MTUS2: variants seen among roughly 807,000 people sequenced by gnomAD.
MTUS2 encodes microtubule associated scaffold protein 2.
A neutral mutation model predicts 114.1 loss-of-function variants in MTUS2; 40 were observed. The ratio of observed to expected loss-of-function variants is 0.35; its 90% CI spans 0.27 to 0.46. The LOEUF (loss-of-function observed/expected upper bound fraction) is 0.46, where lower values mean the gene tolerates loss of function less well. Ranked by LOEUF, MTUS2 falls within the 20% of genes least tolerant of loss-of-function variation. The pLI is 1.00. For missense variants in MTUS2, 1,679 were observed against 1,705.4 expected (o/e 0.98, Z 0.27); for synonymous variants, 688 against 672.0 (o/e 1.02, Z -0.37).
intron 8 of MTUS2, among the ~76,000 whole-genome samples, chr13:29,419,982 G>A (rs1479004491): frequency 6.6e-6 from 1 of 152,192 alleles, no homozygotes. Context: ...CCCATAAACA[G>A]TTCAGCTGTG....
intron 5 of MTUS2, among the ~76,000 whole-genome samples, chr13:29,117,356 A>C (rs1160388682): frequency 6.6e-6 from 1 of 151,964 alleles, no homozygotes; most frequent in Non-Finnish European, 1.5e-5. Context: ...CATTCTTATC[A>C]CCTGTGCATG....
intron 2 of MTUS2, among the ~76,000 whole-genome samples, chr13:28,900,855 G>T (rs1429843322): frequency 6.6e-6 from 1 of 152,330 alleles, no homozygotes; most frequent in South Asian, 2.1e-4. Context: ...ACATTCATGT[G>T]CAGGTTTTCC....
chr13:29,035,722 T>G lies in MTUS2; in HGVS notation c.2446+1597T>G, dbSNP rs765132398. ...TCACTGAACACAGAGCCAAAGCCAT[T>G]ATCCACCAAACACTATTGATAGTTT... On this transcript the variant is annotated intron_variant, in intron 4 of 15. Coordinates refer to ENST00000612955, the MANE Select transcript of MTUS2 (RefSeq NM_001033602.4). Among the ~76,000 whole-genome samples the G allele has an allele frequency of 1.8e-4, 28 of 152,180 alleles. 1 individual carries two copies. Among genetic ancestry groups the G allele is most frequent in the Non-Finnish European group, 3.4e-4 (23 of 68,038 alleles).
chr13:29,252,836 A>G (rs1476331764), intron 5 of MTUS2, among the ~76,000 whole-genome samples: 7 of 151,976 alleles, frequency 4.6e-5, no homozygotes, highest in Non-Finnish European at 4.4e-5. Flanking sequence ...ACCACCATGT[A>G]AGACCTGCCT....
intron 8 of MTUS2, among the ~76,000 whole-genome samples, 152 bp downstream of exon 8, chr13:29,359,625 G>A (rs1870064529): frequency 6.6e-6 from 1 of 152,270 alleles, no homozygotes; most frequent in Non-Finnish European, 1.5e-5. Flanking sequence ...ATCTCCTGAG[G>A]CATCCCATCA....
intron 2 of MTUS2, among the ~76,000 whole-genome samples, chr13:28,947,619 C>T (rs1249712704): frequency 1.3e-5 from 2 of 152,074 alleles, no homozygotes; most frequent in African/African-American, 2.4e-5. Flanking sequence ...AAAGCAGCTT[C>T]GTAATTATAG....
chr13:28,843,166 C>G (rs1282258163), intron 2 of MTUS2, among the ~76,000 whole-genome samples: 1 of 152,146 alleles, frequency 6.6e-6, no homozygotes, highest in African/African-American at 2.4e-5. Flanking sequence ...CTGAACAAGG[C>G]CAGGGGAATC....
intron 5 of MTUS2, among the ~76,000 whole-genome samples, chr13:29,221,333 A>C (rs574640989): frequency 4.5e-4 from 69 of 152,360 alleles, no homozygotes; most frequent in Non-Finnish European, 9.4e-4. Context: ...AGTATTTTCC[A>C]ATTAACATTC....
chr13:28,933,348 G>A (rs1881724576), intron 2 of MTUS2, among the ~76,000 whole-genome samples: 1 of 152,186 alleles, frequency 6.6e-6, no homozygotes, highest in South Asian at 2.1e-4. Flanking sequence ...TTTCTCTGTT[G>A]CAGTATTGAG....
intron 1 of MTUS2, among the ~76,000 whole-genome samples, chr13:28,832,774 T>TAAAA (rs60422185): frequency 1 from 149,582 of 150,020 alleles, 74,574 homozygotes; most frequent in Middle Eastern, 1. Flanking sequence ...AGAAAAACAA[T>TAAAA]AAAATCAATA....
At chr13:28,986,019 A>G (rs180983215) in intron 2 of MTUS2, among the ~76,000 whole-genome samples, 268 of 152,280 alleles carry the variant, frequency 1.8e-3, no homozygotes, top group Non-Finnish European at 2.2e-3. Context: ...GCTCTGATGA[A>G]TGGACCTCTC....
chr13:29,194,875 G>C (rs868807139), intron 5 of MTUS2, among the ~76,000 whole-genome samples: 3,217 of 150,924 alleles, frequency 0.021, 107 homozygotes, highest in African/African-American at 0.071. Context: ...ACTGGATTAA[G>C]AAAATGTGGC....
At chr13:29,193,844 T>C (rs1434143355) in intron 5 of MTUS2, among the ~76,000 whole-genome samples, 2 of 152,124 alleles carry the variant, frequency 1.3e-5, no homozygotes, top group Admixed American at 6.5e-5. Flanking sequence ...CTTCAAACTA[T>C]ACTACAAGGC....
intron 6 of MTUS2, among the ~76,000 whole-genome samples, chr13:29,318,714 C>G (rs1277558369): frequency 6.6e-6 from 1 of 152,082 alleles, no homozygotes; most frequent in South Asian, 2.1e-4. Context: ...CAGCTGTTGT[C>G]GAAGCCACTG....
rs543349765 is a variant in MTUS2 at position 29,285,203 on chromosome 13, A to C, written c.2806+3338A>C. Among the ~76,000 whole-genome samples the C allele has an allele frequency of 4.8e-5, 7 of 146,824 alleles. No individual in the cohort carries two copies. The East Asian group carries it at 1.4e-3, about 29-fold the overall frequency. Reference sequence around the variant, plus strand: ...TGATAAAAAACAAAACCAAAAAAAAAAAAAAACCTCCAAAACTAGTCACAT... The same window carrying C: ...TGATAAAAAACAAAACCAAAAAAAACAAAAAACCTCCAAAACTAGTCACAT... On this transcript the variant is annotated intron_variant, in intron 6 of 15. Coordinates refer to ENST00000612955, the MANE Select transcript of MTUS2 (RefSeq NM_001033602.4).
rs1566172614 is a variant in MTUS2, at chr13:29,389,363, GCACGTGTGTGTATATATGTATA to G, written c.3117+29924_3117+29945del. Reference sequence around the variant, plus strand: ...TATGCACGTGTGTGTATATATGTATGCACGTGTGTGTATATATGTATACACGTGTGTGTATATATGTATACAC... The same window carrying G: ...TATGCACGTGTGTGTATATATGTATGCACGTGTGTGTATATATGTATACAC... On this transcript the variant is annotated intron_variant, in intron 8 of 15. Coordinates refer to ENST00000612955, the MANE Select transcript of MTUS2 (RefSeq NM_001033602.4). 2.1e-3 allele frequency among the ~76,000 whole-genome samples: 119 copies of G among 57,526 alleles called. 20 individuals carry two copies. Among genetic ancestry groups the G allele is most frequent in the African/African-American group, 0.01 (116 of 11,154 alleles). 37.7% of individuals were successfully genotyped at this position (57,526 alleles called of 152,430 possible). A position where few individuals can be genotyped will look rare whatever the true frequency, so the allele number is the denominator to read the frequency against.
At chr13:29,227,084 C>G (rs762873720) in intron 5 of MTUS2, among the ~76,000 whole-genome samples, 8 of 151,928 alleles carry the variant, frequency 5.3e-5, no homozygotes, top group Admixed American at 3.9e-4. Flanking sequence ...ATGGCGAAAC[C>G]CTGTCTTTAC....
chr13:28,919,791 T>G (rs1880945220), intron 2 of MTUS2, among the ~76,000 whole-genome samples: 1 of 152,182 alleles, frequency 6.6e-6, no homozygotes, highest in Non-Finnish European at 1.5e-5. Context: ...TGACTGTATT[T>G]TCGAATCGCT....
At chr13:29,398,316 C>T (rs908628466) in intron 8 of MTUS2, among the ~76,000 whole-genome samples, 1 of 151,858 alleles carries the variant, frequency 6.6e-6, no homozygotes, top group African/African-American at 2.4e-5. Flanking sequence ...CAAAATTTAG[C>T]CAGGCGTGGT....
Sources: gnomAD v4.1 joint callset for allele counts (sites outside exome capture counted in the v4.1 genomes callset) on GRCh38, gnomAD v4.1.1 for gene constraint, MANE v1.5 for transcripts, NCBI Gene and HGNC (gene_info 2026-07-23, HGNC 2026-07-21) for gene names.